The following PDE10A variants were observed in gnomAD, a reference collection of about 807,000 sequenced individuals.
PDE10A encodes the protein cAMP and cAMP-inhibited cGMP 3',5'-cyclic phosphodiesterase 10A.
In PDE10A, 39 loss-of-function variants were observed where a neutral mutation model predicts 97.7. That is an observed-to-expected ratio of 0.40 (90% CI 0.31 to 0.52). PDE10A has a LOEUF of 0.52. Among genes scored for constraint, PDE10A ranks in the 20% least tolerant of loss-of-function variants. The probability of loss-of-function intolerance (pLI) is 0.56; values close to 1 mark genes in which losing one functional copy is unlikely to be tolerated. For missense variants in PDE10A, 731 were observed against 1,047.8 expected (o/e 0.70, Z 4.17); for synonymous variants, 371 against 376.8 (o/e 0.98, Z 0.18).
At chr6:165,663,679 G>C (rs762719526), upstream of PDE10A, among the ~76,000 whole-genome samples, 1 of 152,164 alleles carries the variant, frequency 6.6e-6, no homozygotes, top group Admixed American at 6.5e-5. Flanking sequence ...TCCTCCCCAG[G>C]ACTCCCTTTC....
rs1785834087 is a variant in PDE10A at position 165,392,933 on chromosome 6, C to T, written c.2304-137G>A. The T allele has an allele frequency of 1.4e-5, 10 of 717,756 alleles. No individual in the cohort carries two copies. The Admixed American group carries it at 2.4e-4, about 17-fold the overall frequency. The allele number at this position is 717,756 out of a possible 1,614,324, so 44.5% of individuals were successfully genotyped here. On this transcript the variant is annotated intron_variant, in intron 15 of 21. Coordinates refer to ENST00000539869, the MANE Select transcript of PDE10A (RefSeq NM_001385079.1). ...TAAAGATTTCCACCCTGACTGAATC[C>T]ATGAGCACTGGAAACTCATTCACCA...
At chr6:165,639,494 T>G (rs1177118564) in intron 1 of PDE10A, among the ~76,000 whole-genome samples, 1 of 152,056 alleles carries the variant, frequency 6.6e-6, no homozygotes, top group Non-Finnish European at 1.5e-5. Flanking sequence ...TCCCAGCACT[T>G]TGGGAGGCTG....
chr6:165,764,137 T>C (rs777334718), intron 1 of PDE10A, among the ~76,000 whole-genome samples: 2 of 152,310 alleles, frequency 1.3e-5, no homozygotes, highest in African/African-American at 2.4e-5. Flanking sequence ...AGCAATGCAG[T>C]AGACGGATGA....
intron 3 of PDE10A, among the ~76,000 whole-genome samples, chr6:165,457,633 TTAA>T (rs1778037835): frequency 6.6e-6 from 1 of 152,198 alleles, no homozygotes; most frequent in Non-Finnish European, 1.5e-5. Context: ...CCATGACATT[TTAA>T]TATATCCTGA....
intron 1 of PDE10A, among the ~76,000 whole-genome samples, chr6:165,981,551 G>C (rs1328085869): frequency 6.6e-6 from 1 of 152,168 alleles, no homozygotes; most frequent in Non-Finnish European, 1.5e-5. Flanking sequence ...GATGAGTGAG[G>C]ACTGAGGCCT....
intron 1 of PDE10A, among the ~76,000 whole-genome samples, chr6:165,594,921 G>A (rs1209185688): frequency 6.6e-6 from 1 of 152,206 alleles, no homozygotes. Context: ...GTTAAGTCTG[G>A]TGTGGTGAAC....
Position 165,593,354 on chromosome 6 carries a change from G to A in PDE10A, c.866-49786C>T, listed in dbSNP as rs1307342274. On this transcript the variant is annotated intron_variant, in intron 1 of 21. Coordinates refer to ENST00000539869, the MANE Select transcript of PDE10A (RefSeq NM_001385079.1). ...GAGAAATACCTAATGTAGATGACCG[G>A]TTGATGGGTGCTGCAAACCACCAAG... Among the ~76,000 whole-genome samples the A allele has an allele frequency of 2.0e-5, 3 of 152,142 alleles. No individual in the cohort carries two copies. In the East Asian group the frequency reaches 5.8e-4, roughly 29 times the overall value.
intron 1 of PDE10A, among the ~76,000 whole-genome samples, chr6:165,831,180 C>A (rs957132684): frequency 6.6e-6 from 1 of 151,464 alleles, no homozygotes; most frequent in African/African-American, 2.4e-5. Context: ...GTCAAGAGAT[C>A]GAGACCATGG....
chr6:165,420,411 A>C (rs1788610324), intron 10 of PDE10A, among the ~76,000 whole-genome samples: 1 of 152,178 alleles, frequency 6.6e-6, no homozygotes, highest in African/African-American at 2.4e-5. Flanking sequence ...ACTCTCAATA[A>C]ATATTTGAGG....
chr6:165,950,190 A>G (rs1323191452), intron 1 of PDE10A, among the ~76,000 whole-genome samples: 4 of 152,302 alleles, frequency 2.6e-5, no homozygotes, highest in Non-Finnish European at 4.4e-5. Flanking sequence ...ATAAAATTGA[A>G]TATATCCTGT....
At chr6:165,803,176 A>G (rs1360934227) in intron 1 of PDE10A, among the ~76,000 whole-genome samples, 2 of 152,226 alleles carry the variant, frequency 1.3e-5, no homozygotes, top group African/African-American at 4.8e-5. Flanking sequence ...GTCTTACCAG[A>G]TAAGTCATCT....
intron 1 of PDE10A, among the ~76,000 whole-genome samples, chr6:165,957,911 T>C (rs936102289): frequency 2.0e-5 from 3 of 152,164 alleles, no homozygotes; most frequent in Non-Finnish European, 4.4e-5. Flanking sequence ...TGGCCGAAAA[T>C]CCAGCTCCTT....
chr6:165,663,496 G>T (rs1005437616), upstream of PDE10A, among the ~76,000 whole-genome samples: 1 of 152,234 alleles, frequency 6.6e-6, no homozygotes, highest in Admixed American at 6.5e-5. Context: ...TGCTGGGCGA[G>T]CCACGTCGGC....
At chr6:165,626,065 G>C (rs945528655) in intron 1 of PDE10A, among the ~76,000 whole-genome samples, 1 of 152,082 alleles carries the variant, frequency 6.6e-6, no homozygotes, top group Non-Finnish European at 1.5e-5. Flanking sequence ...GGATGAAGTG[G>C]GGCAGCGAAG....
At chr6:165,770,847 C>T (rs1777987743) in intron 1 of PDE10A, among the ~76,000 whole-genome samples, 1 of 152,234 alleles carries the variant, frequency 6.6e-6, no homozygotes, top group African/African-American at 2.4e-5. Flanking sequence ...GCTTCGCTGG[C>T]CTGTCCCCAG....
At chr6:165,924,655 G>A (rs1477840727) in intron 1 of PDE10A, among the ~76,000 whole-genome samples, 2 of 152,200 alleles carry the variant, frequency 1.3e-5, no homozygotes, top group Non-Finnish European at 2.9e-5. Flanking sequence ...TGGTGGGCCA[G>A]CATCCTGTAG....
chr6:165,617,674 T>C (rs960207749), intron 1 of PDE10A, among the ~76,000 whole-genome samples: 1 of 152,130 alleles, frequency 6.6e-6, no homozygotes, highest in Non-Finnish European at 1.5e-5. Context: ...GACGTGGGAC[T>C]TGTGGTGCCA....
rs969608549 is a variant in PDE10A, at chr6:165,416,330, A to T, written c.1797-49T>A. 4 of 1,131,632 alleles carry T rather than the reference A, an allele frequency of 3.5e-6. No homozygotes were observed. The African/African-American group carries it at 6.1e-5, about 17-fold the overall frequency. The allele number at this position is 1,131,632 out of a possible 1,614,324, so 70.1% of individuals were successfully genotyped here. A position where few individuals can be genotyped will look rare whatever the true frequency, so the allele number is the denominator to read the frequency against. ...ATGCTAATTAAAATATGGACTCTGT[A>T]GAATAATTCAAAAATATTCCATTGT... is the stretch of plus-strand genomic sequence containing the variant. On this transcript the variant is annotated intron_variant, in intron 11 of 21. Transcript: ENST00000539869.
chr6:165,556,994 C>A (rs547880109), intron 1 of PDE10A, among the ~76,000 whole-genome samples: 1 of 152,148 alleles, frequency 6.6e-6, no homozygotes, highest in African/African-American at 2.4e-5. Flanking sequence ...CAAAAATTAG[C>A]CGGGCGTGGT....
Sources: gnomAD v4.1 joint callset for allele counts (sites outside exome capture counted in the v4.1 genomes callset) on GRCh38, gnomAD v4.1.1 for gene constraint, MANE v1.5 for transcripts, NCBI Gene and HGNC (gene_info 2026-07-23, HGNC 2026-07-21) for gene names.